The following BAK1 variants were observed in gnomAD, a reference collection of about 807,000 sequenced individuals.
BAK1 encodes the protein BCL2 antagonist/killer 1, also known as bcl-2 homologous antagonist/killer.
In BAK1, 19 loss-of-function variants were observed where a neutral mutation model predicts 24.7. That is an observed-to-expected ratio of 0.77 (90% CI 0.54 to 1.13). The LOEUF (loss-of-function observed/expected upper bound fraction) is 1.13, where lower values mean the gene tolerates loss of function less well. BAK1 is among the 50% of genes most tolerant of loss of function. The probability of loss-of-function intolerance (pLI) is 0.00; values close to 1 mark genes in which losing one functional copy is unlikely to be tolerated. For missense variants in BAK1, 194 were observed against 279.4 expected (o/e 0.69, Z 2.18); for synonymous variants, 86 against 107.3 (o/e 0.80, Z 1.23).
In BAK1 at chr6:33,575,153, G is replaced by A. The variant is rs894014708; in HGVS notation, c.350+145C>T. 11 of 1,274,066 alleles carry A rather than the reference G, an allele frequency of 8.6e-6. 2 individuals carry two copies. The Admixed American group carries it at 9.4e-5, about 11-fold the overall frequency. 78.9% of individuals were successfully genotyped at this position (1,274,066 alleles called of 1,614,324 possible). The stretch of plus-strand genomic sequence containing the variant: ...CCCCGAAAGAGAAAAATAGGGGGCC[G>A]AGACCACATGTGAGTTCACAGCAGA... On this transcript the variant is annotated intron_variant, in intron 4 of 5. Transcript: ENST00000374467. The surrounding 1 kb of genome is among the most constrained non-coding windows in gnomAD (Gnocchi z 6.3).
At chr6:33,576,671 A>C (rs1201808619) in intron 2 of BAK1, among the ~76,000 whole-genome samples, 10 of 147,576 alleles carry the variant, frequency 6.8e-5, no homozygotes, top group Admixed American at 6.6e-4. Context: ...AACAAAAAAA[A>C]CAAAAAAAAA....
chr6:33,575,152 C>T lies in BAK1; in HGVS notation c.350+146G>A, dbSNP rs573146177. On this transcript the variant is annotated intron_variant, in intron 4 of 5. Coordinates refer to ENST00000374467, the MANE Select transcript of BAK1 (RefSeq NM_001188.4). This position sits in a 1 kb window ranked among gnomAD's most constrained non-coding sequence, Gnocchi z 6.3. ...ACCCCGAAAGAGAAAAATAGGGGGCCGAGACCACATGTGAGTTCACAGCAG... is the reference window on the plus strand; with the variant it reads ...ACCCCGAAAGAGAAAAATAGGGGGCTGAGACCACATGTGAGTTCACAGCAG... 7.5e-4 allele frequency: 950 copies of T among 1,262,670 alleles called. No homozygotes were observed. The highest frequency in any genetic ancestry group is 1.5e-3 in the Middle Eastern group (8 of 5,418). The allele number at this position is 1,262,670 out of a possible 1,614,324, so 78.2% of individuals were successfully genotyped here.
rs1762796334 is a variant in BAK1 at position 33,573,589 on chromosome 6, G to A, written c.*214C>T. The A allele has an allele frequency of 1.7e-6, 1 of 593,038 alleles. No homozygotes were observed. The highest frequency in any genetic ancestry group is 2.1e-5 in the South Asian group (1 of 47,644). The allele number at this position is 593,038 out of a possible 1,614,324, so 36.7% of individuals were successfully genotyped here. A position where few individuals can be genotyped will look rare whatever the true frequency, so the allele number is the denominator to read the frequency against. The stretch of plus-strand genomic sequence containing the variant: ...GGGAGGAGACGGCCACAGCCCCTGG[G>A]CCCAGAGAGAGGGCCCACTAGCACC... On this transcript the variant is annotated 3_prime_UTR_variant, in exon 6 of 6. Transcript: ENST00000374467.
Position 33,575,486 on chromosome 6 carries a change from C to A in BAK1, c.207-45G>T. ...GCAGGTGAGCCAGTAACCAGGCAGT[C>A]GGGACCAGGCCCTGGCTCATGGCAG... is the stretch of plus-strand genomic sequence containing the variant. On this transcript the variant is annotated intron_variant, in intron 3 of 5. Coordinates refer to ENST00000374467, the MANE Select transcript of BAK1 (RefSeq NM_001188.4). The surrounding 1 kb of genome is among the most constrained non-coding windows in gnomAD (Gnocchi z 6.3). 2 of 1,611,476 alleles carry A rather than the reference C, an allele frequency of 1.2e-6. No individual in the cohort carries two copies. Among genetic ancestry groups the A allele is most frequent in the Non-Finnish European group, 1.7e-6 (2 of 1,179,606 alleles).
rs77009237 is a variant in BAK1 at position 33,576,663 on chromosome 6, C to A, written c.71-735G>T. Among the ~76,000 whole-genome samples the A allele has an allele frequency of 2.1e-3, 288 of 136,904 alleles. 1 individual carries two copies. Among genetic ancestry groups the A allele is most frequent in the South Asian group, 6.9e-3 (31 of 4,476 alleles). The allele number at this position is 136,904 out of a possible 152,430, so 89.8% of individuals were successfully genotyped here. The stretch of plus-strand genomic sequence containing the variant: ...ACAAAACAAAACAAAACAACAACAA[C>A]AAAAAAAACAAAAAAAAAAAAAAGA... On this transcript the variant is annotated intron_variant, in intron 2 of 5. Transcript: ENST00000374467.
chr6:33,574,573 G>C (rs1415390683), intron 4 of BAK1: 2 of 1,333,290 alleles, frequency 1.5e-6, no homozygotes, highest in Non-Finnish European at 9.8e-7. Flanking sequence ...AAAGATTAGG[G>C]TAGTTCCTGT....
chr6:33,574,019 T>A lies in BAK1; in HGVS notation c.531+15A>T, dbSNP rs1762802811. The A allele has an allele frequency of 6.2e-7, 1 of 1,613,424 alleles. No individual in the cohort carries two copies. The highest frequency in any genetic ancestry group is 1.3e-5 in the African/African-American group (1 of 75,026). ...CCCAACAGCAGGGAGGACATTGCAGTCCTTGGATACTCACCCAGCCACCCC... is the reference window on the plus strand; with the variant it reads ...CCCAACAGCAGGGAGGACATTGCAGACCTTGGATACTCACCCAGCCACCCC... On this transcript the variant is annotated intron_variant, in intron 5 of 5. Coordinates refer to ENST00000374467, the MANE Select transcript of BAK1 (RefSeq NM_001188.4).
rs1207959228 is a variant in BAK1 at position 33,577,823 on chromosome 6, C to T, written c.-31-188G>A. On this transcript the variant is annotated intron_variant, in intron 1 of 5. Coordinates refer to ENST00000374467, the MANE Select transcript of BAK1 (RefSeq NM_001188.4). This position sits in a 1 kb window ranked among gnomAD's most constrained non-coding sequence, Gnocchi z 4.6. ...CTCGTGAGTCTGCCTCGGCCATCCA[C>T]AGTGCTGGGATTACAGGTGTGAGCC... 6.6e-6 allele frequency among the ~76,000 whole-genome samples: 1 copy of T among 152,240 alleles called. No homozygotes were observed. The highest frequency in any genetic ancestry group is 2.4e-5 in the African/African-American group (1 of 41,472).
rs903503254 is a variant in BAK1, at chr6:33,573,495, C to T, written c.*308G>A. On this transcript the variant is annotated 3_prime_UTR_variant, in exon 6 of 6. Coordinates refer to ENST00000374467, the MANE Select transcript of BAK1 (RefSeq NM_001188.4). ...TCTGGGGAGAAGTGGCTCCCAGTCT[C>T]TTGCCTCCCCAAGTTATCAGTCTCC... is the stretch of plus-strand genomic sequence containing the variant. The T allele has an allele frequency of 1.5e-5, 6 of 390,492 alleles. No individual in the cohort carries two copies. Among genetic ancestry groups the T allele is most frequent in the Non-Finnish European group, 2.3e-5 (5 of 215,882 alleles). The allele number at this position is 390,492 out of a possible 1,614,324, so 24.2% of individuals were successfully genotyped here. A position where few individuals can be genotyped will look rare whatever the true frequency, so the allele number is the denominator to read the frequency against.
In BAK1 at chr6:33,577,413, A is replaced by C; in HGVS notation, c.70+122T>G. The C allele has an allele frequency of 1.1e-6, 1 of 933,300 alleles. No homozygotes were observed. Among genetic ancestry groups the C allele is most frequent in the Non-Finnish European group, 1.5e-6 (1 of 647,310 alleles). 57.8% of individuals were successfully genotyped at this position (933,300 alleles called of 1,614,324 possible). Reference sequence around the variant, plus strand: ...CAGCCTCTGAGCCCGTGGGTGGGGAAGAGTATTCCCCACCCACAGTGGGTG... The same window carrying C: ...CAGCCTCTGAGCCCGTGGGTGGGGACGAGTATTCCCCACCCACAGTGGGTG... On this transcript the variant is annotated intron_variant, in intron 2 of 5. Coordinates refer to ENST00000374467, the MANE Select transcript of BAK1 (RefSeq NM_001188.4). This position sits in a 1 kb window ranked among gnomAD's most constrained non-coding sequence, Gnocchi z 4.6.
chr6:33,575,174 G>A lies in BAK1; in HGVS notation c.350+124C>T. 1 of 1,439,352 alleles carries A rather than the reference G, an allele frequency of 6.9e-7. No individual in the cohort carries two copies. Among genetic ancestry groups the A allele is most frequent in the Non-Finnish European group, 9.7e-7 (1 of 1,026,762 alleles). 89.2% of individuals were successfully genotyped at this position (1,439,352 alleles called of 1,614,324 possible). A position where few individuals can be genotyped will look rare whatever the true frequency, so the allele number is the denominator to read the frequency against. On this transcript the variant is annotated intron_variant, in intron 4 of 5. Transcript: ENST00000374467. This position sits in a 1 kb window ranked among gnomAD's most constrained non-coding sequence, Gnocchi z 6.3. ...GGCCGAGACCACATGTGAGTTCACA[G>A]CAGACATTGGACACTGACAGAAGGC...
chr6:33,578,504 T>C lies in BAK1; in HGVS notation c.-31-869A>G, dbSNP rs762112275. Among the ~76,000 whole-genome samples the C allele has an allele frequency of 1.3e-5, 2 of 152,182 alleles. No individual in the cohort carries two copies. The highest frequency in any genetic ancestry group is 2.4e-5 in the African/African-American group (1 of 41,446). On this transcript the variant is annotated intron_variant, in intron 1 of 5. Transcript: ENST00000374467. The surrounding 1 kb of genome is among the most constrained non-coding windows in gnomAD (Gnocchi z 4.8). ...AGTTTGTGGACCTCAGAGTGTGTTC[T>C]TTCTCAGGGCAACTTTCCCTATTTA...
intron 1 of BAK1, among the ~76,000 whole-genome samples, chr6:33,579,654 A>G (rs1375301005): frequency 6.6e-6 from 1 of 152,156 alleles, no homozygotes; most frequent in East Asian, 1.9e-4. Flanking sequence ...CTGGGCCCCG[A>G]TGAATGTTGC....
At position 33,573,514 on chromosome 6, in the gene BAK1, A is replaced by G. The variant is rs1468404232; in HGVS notation, c.*289T>C. 5 of 413,168 alleles carry G rather than the reference A, an allele frequency of 1.2e-5. No individual in the cohort carries two copies. Among genetic ancestry groups the G allele is most frequent in the Non-Finnish European group, 2.2e-5 (5 of 229,914 alleles). The allele number at this position is 413,168 out of a possible 1,614,324, so 25.6% of individuals were successfully genotyped here. A position where few individuals can be genotyped will look rare whatever the true frequency, so the allele number is the denominator to read the frequency against. On this transcript the variant is annotated 3_prime_UTR_variant, in exon 6 of 6. Transcript: ENST00000374467. The stretch of plus-strand genomic sequence containing the variant: ...CAGTCTCTTGCCTCCCCAAGTTATC[A>G]GTCTCCCCAGCGCCTAGCAGACAGG...
chr6:33,579,382 C>T (rs572824), intron 1 of BAK1, among the ~76,000 whole-genome samples: 6,636 of 152,086 alleles, frequency 0.044, 365 homozygotes, highest in African/African-American at 0.13. Context: ...TGCCTCCCAC[C>T]CCCCGTAGCT....
In BAK1 at chr6:33,577,064, A is replaced by C. The variant is rs1300366082; in HGVS notation, c.70+471T>G. Among the ~76,000 whole-genome samples, 1 of 152,182 alleles carries C rather than the reference A, an allele frequency of 6.6e-6. No individual in the cohort carries two copies. The highest frequency in any genetic ancestry group is 1.5e-5 in the Non-Finnish European group (1 of 68,024). ...CAAGTCCAGGGAACAGCCCGCCGTG[A>C]GGTGTGAGCTGGGGCTTCCCTGGCT... On this transcript the variant is annotated intron_variant, in intron 2 of 5. Coordinates refer to ENST00000374467, the MANE Select transcript of BAK1 (RefSeq NM_001188.4). This position sits in a 1 kb window ranked among gnomAD's most constrained non-coding sequence, Gnocchi z 4.6.
intron 4 of BAK1, chr6:33,574,566 G>T (rs1434172746): frequency 2.2e-6 from 3 of 1,346,506 alleles, no homozygotes; most frequent in African/African-American, 2.9e-5. Flanking sequence ...GGACAGAAAA[G>T]ATTAGGGTAG....
rs1463278516 is a variant in BAK1 at position 33,573,336 on chromosome 6, A to G, written c.*467T>C. 1.2e-5 allele frequency: 2 copies of G among 168,240 alleles called. No individual in the cohort carries two copies. Among genetic ancestry groups the G allele is most frequent in the Non-Finnish European group, 2.6e-5 (2 of 76,240 alleles). 10.4% of individuals were successfully genotyped at this position (168,240 alleles called of 1,614,324 possible). A position where few individuals can be genotyped will look rare whatever the true frequency, so the allele number is the denominator to read the frequency against. ...CCTAGTCCCATCTCTTAGGGTGCTG[A>G]TCTTCCAGAATAGCTGAATCCTGGG... On this transcript the variant is annotated 3_prime_UTR_variant, in exon 6 of 6. Coordinates refer to ENST00000374467, the MANE Select transcript of BAK1 (RefSeq NM_001188.4).
chr6:33,574,320 T>C, intron 4 of BAK1, 106 bp from the exon 5 acceptor site: 1 of 1,484,696 alleles, frequency 6.7e-7, no homozygotes, highest in Non-Finnish European at 9.2e-7. Context: ...ATAGCTTAGC[T>C]GTGAATTAAG....
Sources: gnomAD v4.1 joint callset for allele counts (sites outside exome capture counted in the v4.1 genomes callset) on GRCh38, gnomAD v4.1.1 for gene constraint, Gnocchi (gnomAD v3.1) non-coding constraint, MANE v1.5 for transcripts, NCBI Gene and HGNC (gene_info 2026-07-23, HGNC 2026-07-21) for gene names.